ANKDD1A: variants seen among roughly 807,000 people sequenced by gnomAD.
The protein encoded by ANKDD1A is ankyrin repeat and death domain containing 1A, also known as ankyrin repeat and death domain-containing protein 1A.
ANKDD1A carries 59 observed loss-of-function variants against 63.5 expected under a neutral mutation model. The ratio of observed to expected loss-of-function variants is 0.93; its 90% CI spans 0.75 to 1.15. The LOEUF is 1.15. ANKDD1A is among the 50% of genes most tolerant of loss of function. ANKDD1A has a pLI of 0.00. For synonymous variants in ANKDD1A, 266 were observed against 263.9 expected, an observed-to-expected ratio of 1.01 and a Z score of -0.08; for missense variants, 632 against 656.4, an observed-to-expected ratio of 0.96 and a Z score of 0.41.
intron 14 of ANKDD1A, among the ~76,000 whole-genome samples, chr15:64,953,549 C>CT (rs1595860254): frequency 0.02 from 2,490 of 125,910 alleles, 50 homozygotes; most frequent in Admixed American, 0.029. Flanking sequence ...CTTCTTCCTT[C>CT]TCCTTCTTTC....
At position 64,926,070 on chromosome 15, in the gene ANKDD1A, G is replaced by T; in HGVS notation, c.371G>T (p.Gly124Val). The change falls in exon 5 of 15, where the codon GGC becomes GTC. Residue 124 changes from glycine (G) to valine (V), a missense_variant. Physicochemically the swap from Gly to Val is moderately radical, Grantham distance 109. Coordinates refer to ENST00000319580, the MANE Select transcript of ANKDD1A (RefSeq NM_182703.6). ...GAKIHCESKDGLTLLHCAAQK... is the reference protein window; with the variant it reads ...GAKIHCESKDVLTLLHCAAQK... Reference sequence around the variant, plus strand: ...CCCTCCTGCACTTGTTTCCAGGATGGCCTGACCTTACTGCACTGCGCAGCC... The same window carrying T: ...CCCTCCTGCACTTGTTTCCAGGATGTCCTGACCTTACTGCACTGCGCAGCC... The T allele has an allele frequency of 6.2e-7, 1 of 1,612,972 alleles. No homozygotes were observed. The highest frequency in any genetic ancestry group is 8.5e-7 in the Non-Finnish European group (1 of 1,179,686).
At chr15:64,951,622 TTCTC>T (rs1555397429) in intron 14 of ANKDD1A, among the ~76,000 whole-genome samples, 1 of 34,892 alleles carries the variant, frequency 2.9e-5, no homozygotes, top group Non-Finnish European at 7.6e-5. Context: ...CTTATTCTTC[TTCTC>T]TTCTTTTCTT....
intron 6 of ANKDD1A, 90 bp from the exon 7 acceptor site, chr15:64,930,732 G>C: frequency 1.5e-6 from 2 of 1,315,308 alleles, no homozygotes; most frequent in South Asian, 2.7e-5. Context: ...GGGTGGCACT[G>C]ACCCAGTGTG....
chr15:64,924,969 G>A (rs1030541844), intron 4 of ANKDD1A, among the ~76,000 whole-genome samples: 3 of 152,150 alleles, frequency 2.0e-5, no homozygotes, highest in Non-Finnish European at 4.4e-5. Flanking sequence ...GTTCATGCCT[G>A]TAATCCCAGG....
Position 64,915,684 on chromosome 15 carries a change from C to G in ANKDD1A, c.35-113C>G. The G allele has an allele frequency of 3.5e-6, 3 of 867,454 alleles. No individual in the cohort carries two copies. The South Asian group carries it at 4.4e-5, about 13-fold the overall frequency. 53.7% of individuals were successfully genotyped at this position (867,454 alleles called of 1,614,324 possible). A position where few individuals can be genotyped will look rare whatever the true frequency, so the allele number is the denominator to read the frequency against. On this transcript the variant is annotated intron_variant, in intron 1 of 14. Coordinates refer to ENST00000319580, the MANE Select transcript of ANKDD1A (RefSeq NM_182703.6). ...TGTGCCGCTCTGCCCCTGTTCCTAG[C>G]TGAAAGACCCCTGCTCCAGAAATGT...
intron 14 of ANKDD1A, among the ~76,000 whole-genome samples, chr15:64,952,079 CCTT>C (rs1447511370): frequency 1.6e-3 from 8 of 5,142 alleles, no homozygotes; most frequent in African/African-American, 3.4e-3. Context: ...TCTTCTTCTT[CCTT>C]CTTTTCTTCC....
intron 14 of ANKDD1A, among the ~76,000 whole-genome samples, chr15:64,953,693 T>G (rs549553131): frequency 1.4e-4 from 7 of 49,398 alleles, no homozygotes; most frequent in Non-Finnish European, 3.2e-4. Flanking sequence ...TCCTTCTCCC[T>G]TCTTCTTTCT....
At chr15:64,930,171 A>T (rs35774404) in intron 6 of ANKDD1A, among the ~76,000 whole-genome samples, 47,254 of 151,560 alleles carry the variant, frequency 0.31, 8,298 homozygotes, top group East Asian at 0.69. Context: ...TGACGGGTTG[A>T]TGGGTGCAGC....
intron 14 of ANKDD1A, chr15:64,951,197 G>A (rs1380331652): frequency 2.9e-6 from 3 of 1,046,028 alleles, no homozygotes; most frequent in African/African-American, 1.7e-5. Context: ...TCTTTTTCAT[G>A]AGGATGGGTC....
chr15:64,935,249 G>A (rs1034639592), intron 9 of ANKDD1A, among the ~76,000 whole-genome samples: 1 of 150,860 alleles, frequency 6.6e-6, no homozygotes, highest in Non-Finnish European at 1.5e-5. Flanking sequence ...AAAAAAATTG[G>A]GTTGGGCATG....
At chr15:64,943,623 G>T in intron 11 of ANKDD1A, 41 bp downstream of exon 11, 1 of 1,594,236 alleles carries the variant, frequency 6.3e-7, no homozygotes, top group Non-Finnish European at 8.6e-7. Flanking sequence ...GGCTTTCATG[G>T]CTCCCCCCTT....
intron 6 of ANKDD1A, among the ~76,000 whole-genome samples, chr15:64,929,278 A>G (rs1325227812): frequency 1.3e-5 from 2 of 152,088 alleles, no homozygotes; most frequent in Non-Finnish European, 2.9e-5. Context: ...TGCTCAAGCA[A>G]TCCTCCTGCC....
intron 4 of ANKDD1A, among the ~76,000 whole-genome samples, chr15:64,925,248 A>G (rs982713530): frequency 1.3e-5 from 2 of 151,788 alleles, no homozygotes; most frequent in African/African-American, 4.8e-5. Context: ...AAAAAAAAAA[A>G]AAGAAGTACA....
chr15:64,951,380 TTTC>T lies in ANKDD1A; in HGVS notation c.1483+1411_1483+1413del, dbSNP rs1022086191. ...TTCTTCTTCCTCTTTCTTCTTTCTT[TTTC>T]TTTTCTTCTTCCTCTTTTTTCTTTT... On this transcript the variant is annotated intron_variant, in intron 14 of 14. Coordinates refer to ENST00000319580, the MANE Select transcript of ANKDD1A (RefSeq NM_182703.6). The T allele has an allele frequency of 1.6e-4, 66 of 421,110 alleles. No individual in the cohort carries two copies. The South Asian group carries it at 2.5e-3, about 16-fold the overall frequency. 26.1% of individuals were successfully genotyped at this position (421,110 alleles called of 1,614,324 possible). A position where few individuals can be genotyped will look rare whatever the true frequency, so the allele number is the denominator to read the frequency against.
At chr15:64,953,677 T>TTTTCC (rs1334698315) in intron 14 of ANKDD1A, among the ~76,000 whole-genome samples, 2,092 of 143,724 alleles carry the variant, frequency 0.015, 59 homozygotes, top group Admixed American at 0.02. Context: ...TCTCCTTCTT[T>TTTTCC]TCTTCTCCTT....
At chr15:64,919,214 T>C (rs529076793) in intron 3 of ANKDD1A, among the ~76,000 whole-genome samples, 6 of 152,314 alleles carry the variant, frequency 3.9e-5, no homozygotes, top group Admixed American at 6.5e-5. Flanking sequence ...CAGGAGGCTC[T>C]GGCTCCCATG....
chr15:64,952,532 T>TC (rs1185531384), intron 14 of ANKDD1A, among the ~76,000 whole-genome samples: 1 of 148,850 alleles, frequency 6.7e-6, no homozygotes, highest in Non-Finnish European at 1.5e-5. Context: ...TCCTTCGTCT[T>TC]CTTCTCCTTC....
chr15:64,925,009 C>G (rs1373089137), intron 4 of ANKDD1A, among the ~76,000 whole-genome samples: 1 of 151,196 alleles, frequency 6.6e-6, no homozygotes, highest in Non-Finnish European at 1.5e-5. Flanking sequence ...GGCAGATTGC[C>G]TGAGTTCGGG....
chr15:64,929,097 AG>A (rs1567111957), intron 6 of ANKDD1A, among the ~76,000 whole-genome samples: 1 of 152,250 alleles, frequency 6.6e-6, no homozygotes, highest in Non-Finnish European at 1.5e-5. Flanking sequence ...TATAGGCTGC[AG>A]AGAAGCTGGC....
Sources: gnomAD v4.1 joint callset for allele counts (sites outside exome capture counted in the v4.1 genomes callset) on GRCh38, gnomAD v4.1.1 for gene constraint, MANE v1.5 for transcripts, NCBI Gene and HGNC (gene_info 2026-07-23, HGNC 2026-07-21) for gene names.